Variants in PLCB4 observed in about 807,000 individuals in gnomAD.
PLCB4 encodes 1-phosphatidylinositol 4,5-bisphosphate phosphodiesterase beta-4.
In PLCB4, 77 loss-of-function variants were observed where a neutral mutation model predicts 178.8. The ratio of observed to expected loss-of-function variants is 0.43; its 90% CI spans 0.36 to 0.52. PLCB4 has a LOEUF of 0.52. PLCB4 is among the 20% of genes least tolerant of loss of function. The pLI, the probability that PLCB4 is intolerant of heterozygous loss-of-function variation, is 0.00. For missense variants in PLCB4, 1,024 were observed against 1,453.4 expected (o/e 0.70, Z 4.80); for synonymous variants, 496 against 490.8 (o/e 1.01, Z -0.14).
At chr20:9,268,324 A>G (rs2094369258) in intron 3 of PLCB4, among the ~76,000 whole-genome samples, 2 of 152,110 alleles carry the variant, frequency 1.3e-5, no homozygotes, top group Admixed American at 1.3e-4. Flanking sequence ...TTTCTCTGCC[A>G]TGTCTTCTGC....
At chr20:9,412,584 C>A (rs1187549928) in intron 25 of PLCB4, among the ~76,000 whole-genome samples, 1 of 152,152 alleles carries the variant, frequency 6.6e-6, no homozygotes, top group Non-Finnish European at 1.5e-5. Context: ...TGAGACCCAC[C>A]TTTGGGCTTC....
At chr20:9,262,328 TGAGTGA>T (rs1371141287) in intron 3 of PLCB4, among the ~76,000 whole-genome samples, 2 of 151,112 alleles carry the variant, frequency 1.3e-5, no homozygotes, top group African/African-American at 4.9e-5. Context: ...AGTGAGTGAG[TGAGTGA>T]GAGAGAGAGA....
chr20:9,363,914 A>G (rs1007395133), intron 8 of PLCB4, among the ~76,000 whole-genome samples: 1 of 152,212 alleles, frequency 6.6e-6, no homozygotes, highest in Non-Finnish European at 1.5e-5. Flanking sequence ...TCTTCTGGTC[A>G]TTGTGGCAGG....
At chr20:9,232,662 A>G (rs964832150) in intron 3 of PLCB4, among the ~76,000 whole-genome samples, 1 of 152,140 alleles carries the variant, frequency 6.6e-6, no homozygotes. Context: ...TCAACATTTG[A>G]TGCAGTGCAA....
chr20:9,458,702 G>A (rs2043205809), intron 34 of PLCB4, among the ~76,000 whole-genome samples: 1 of 152,178 alleles, frequency 6.6e-6, no homozygotes, highest in Admixed American at 6.5e-5. Context: ...AGGGATCCCA[G>A]CATAGCAGAA....
chr20:9,153,493 G>T (rs1987263), intron 2 of PLCB4, among the ~76,000 whole-genome samples: 53,836 of 152,000 alleles, frequency 0.35, 9,740 homozygotes, highest in Middle Eastern at 0.42. Context: ...TTCTCTTGCT[G>T]CTGCCATGTA....
At chr20:9,261,181 A>G (rs1278169803) in intron 3 of PLCB4, among the ~76,000 whole-genome samples, 1 of 152,126 alleles carries the variant, frequency 6.6e-6, no homozygotes, top group East Asian at 1.9e-4. Flanking sequence ...CAGCAGGACA[A>G]TCAAAGCAAA....
chr20:9,347,930 C>T (rs982804608), intron 7 of PLCB4, among the ~76,000 whole-genome samples: 6 of 152,134 alleles, frequency 3.9e-5, no homozygotes, highest in Non-Finnish European at 7.4e-5. Flanking sequence ...GCCAAGATCA[C>T]GCCACTGCAC....
Position 9,423,819 on chromosome 20 carries a change from G to A in PLCB4, c.2391G>A (p.Arg797=). 6.2e-7 allele frequency: 1 copy of A among 1,613,962 alleles called. No individual in the cohort carries two copies. Among genetic ancestry groups the A allele is most frequent in the Non-Finnish European group, 8.5e-7 (1 of 1,179,928 alleles). The change falls in exon 28 of 40, where the codon AGG becomes AGA. Residue 797 remains arginine, a synonymous_variant. Coordinates refer to ENST00000378473, the MANE Select transcript of PLCB4 (RefSeq NM_001377142.1). ...ATAACAACAAGCTGATTGGCCAGAG[G>A]ATCCTCCCGCTTGATGGCCTCCAAG... The part of the protein sequence containing the change: ...YDDNNKLIGQ[R]ILPLDGLQAG...
At chr20:9,254,659 C>G (rs371795307) in intron 3 of PLCB4, among the ~76,000 whole-genome samples, 1 of 152,140 alleles carries the variant, frequency 6.6e-6, no homozygotes, top group African/African-American at 2.4e-5. Context: ...GATCGTGCCA[C>G]TGTACTCCAG....
At chr20:9,361,869 A>G (rs1406063699) in intron 7 of PLCB4, among the ~76,000 whole-genome samples, 1 of 152,198 alleles carries the variant, frequency 6.6e-6, no homozygotes, top group Non-Finnish European at 1.5e-5. Context: ...TTGATGTTTA[A>G]GCATGTAAAA....
intron 4 of PLCB4, among the ~76,000 whole-genome samples, chr20:9,317,329 T>A (rs1056393921): frequency 1.3e-5 from 2 of 152,228 alleles, no homozygotes; most frequent in African/African-American, 4.8e-5. Flanking sequence ...GTTTATCACC[T>A]TTTGCTGCAT....
chr20:9,466,389 A>T (rs1029140819), intron 35 of PLCB4, among the ~76,000 whole-genome samples: 3 of 152,158 alleles, frequency 2.0e-5, no homozygotes, highest in Admixed American at 2.0e-4. Flanking sequence ...GGACTTCATG[A>T]CTAAAACAAA....
At position 9,307,494 on chromosome 20, in the gene PLCB4, T is replaced by TATACACAC. The variant is rs1396442853; in HGVS notation, c.-15-305_-15-304insTACACACA. ...GTGCCTTCAGATTTTAAAAAAAGAA[T>TATACACAC]ACACACACACACACACACACACACA... On this transcript the variant is annotated intron_variant, in intron 3 of 39. Transcript: ENST00000378473. 4.3e-3 allele frequency among the ~76,000 whole-genome samples: 595 copies of TATACACAC among 138,144 alleles called. 4 individuals carry two copies. The highest frequency in any genetic ancestry group is 0.011 in the Middle Eastern group (3 of 270). The allele number at this position is 138,144 out of a possible 152,430, so 90.6% of individuals were successfully genotyped here. A position where few individuals can be genotyped will look rare whatever the true frequency, so the allele number is the denominator to read the frequency against.
At chr20:9,463,215 C>T (rs1489576561) in intron 35 of PLCB4, among the ~76,000 whole-genome samples, 1 of 152,080 alleles carries the variant, frequency 6.6e-6, no homozygotes, top group Non-Finnish European at 1.5e-5. Context: ...CAAGCAAATG[C>T]TGAAAGATTT....
chr20:9,083,898 C>T (rs961538506), intron 1 of PLCB4, among the ~76,000 whole-genome samples: 3 of 152,226 alleles, frequency 2.0e-5, no homozygotes, highest in African/African-American at 7.2e-5. Context: ...GGAACTGTGA[C>T]AAAATAAATT....
intron 3 of PLCB4, among the ~76,000 whole-genome samples, chr20:9,306,413 G>A (rs1425862107): frequency 6.6e-6 from 1 of 152,014 alleles, no homozygotes; most frequent in East Asian, 1.9e-4. Context: ...ACTGAGCCCG[G>A]CGTGGTGTTG....
intron 26 of PLCB4, among the ~76,000 whole-genome samples, chr20:9,420,582 G>A (rs565661609): frequency 2.0e-5 from 3 of 152,174 alleles, no homozygotes; most frequent in East Asian, 1.9e-4. Flanking sequence ...ACCTGCCTCA[G>A]CCTCCCAAAG....
At chr20:9,083,580 A>G (rs1210024311) in intron 1 of PLCB4, among the ~76,000 whole-genome samples, 3 of 152,194 alleles carry the variant, frequency 2.0e-5, no homozygotes, top group Admixed American at 6.5e-5. Flanking sequence ...GGGCCTTCAG[A>G]ATACAATCCC....
Sources: allele counts gnomAD v4.1 joint callset (sites outside exome capture counted in the v4.1 genomes callset), GRCh38; gene constraint gnomAD v4.1.1; transcripts MANE v1.5; gene names NCBI Gene and HGNC (gene_info 2026-07-23, HGNC 2026-07-21).